FEM1C: variants seen among roughly 807,000 people sequenced by gnomAD.
FEM1C encodes the protein fem-1 homolog C.
A neutral mutation model predicts 37.6 loss-of-function variants in FEM1C; 15 were observed. That is an observed-to-expected ratio of 0.40 (90% CI 0.27 to 0.61). The LOEUF is 0.61. Among genes scored for constraint, FEM1C ranks in the 20% least tolerant of loss-of-function variants. FEM1C has a pLI of 0.42. For missense variants in FEM1C, 532 were observed against 749.7 expected (o/e 0.71, Z 3.39); for synonymous variants, 287 against 272.8 (o/e 1.05, Z -0.51).
At chr5:115,529,080 A>G (rs1753965279) in intron 2 of FEM1C, among the ~76,000 whole-genome samples, 1 of 152,142 alleles carries the variant, frequency 6.6e-6, no homozygotes, top group Non-Finnish European at 1.5e-5. Context: ...TATTGTTAAC[A>G]TACTCAAAAC....
In FEM1C at chr5:115,525,018, T is replaced by C. The variant is rs1180826415; in HGVS notation, c.1144A>G (p.Ser382Gly). The change falls in exon 3 of 3, where the codon AGC (serine) becomes GGC (glycine). Residue 382 changes from serine (S) to glycine (G), a missense_variant. Transcript: ENST00000274457. The stretch of plus-strand genomic sequence containing the variant: ...AATAGTTCTGCAAAAGATAATAAGC[T>C]GCTGGCGGTCATTGGGCTTAAAGGA... ...LDPLSPMTAS[S>G]LLSFAELFSF... The C allele has an allele frequency of 6.2e-7, 1 of 1,613,684 alleles. No individual in the cohort carries two copies. The highest frequency in any genetic ancestry group is 1.3e-5 in the African/African-American group (1 of 75,004).
chr5:115,524,412 T>A lies in FEM1C; in HGVS notation c.1750A>T (p.Thr584Ser). 2 of 1,613,602 alleles carry A rather than the reference T, an allele frequency of 1.2e-6. No individual in the cohort carries two copies. Among genetic ancestry groups the A allele is most frequent in the Non-Finnish European group, 1.7e-6 (2 of 1,179,716 alleles). Residue 584 changes from threonine to serine, a missense_variant, in exon 3 of 3, where the codon ACC becomes TCC. By Grantham distance (58) the Thr-to-Ser change is moderately conservative. This residue lies in a region of FEM1C where 237 missense variants were observed against 260.5 expected (regional missense o/e 0.91). Coordinates refer to ENST00000274457, the MANE Select transcript of FEM1C (RefSeq NM_020177.3). ...AKNLIQPINH[T>S]TLQCLAARVI... The stretch of plus-strand genomic sequence containing the variant: ...CGAGCAGCAAGACACTGCAATGTGG[T>A]ATGATTTATAGGCTGGATTAAATTT...
intron 2 of FEM1C, among the ~76,000 whole-genome samples, chr5:115,537,768 G>A (rs1171071364): frequency 6.6e-6 from 1 of 152,012 alleles, no homozygotes; most frequent in Non-Finnish European, 1.5e-5. Context: ...AAGTAGGTGT[G>A]CTGAGGTAAC....
rs1233963612 is a variant in FEM1C, at chr5:115,525,463, C to T, written c.699G>A (p.Leu233=). 2 of 1,613,500 alleles carry T rather than the reference C, an allele frequency of 1.2e-6. No individual in the cohort carries two copies. The highest frequency in any genetic ancestry group is 2.2e-5 in the South Asian group (2 of 91,076). The part of the protein sequence containing the change: ...VTGHTNIVDF[L]THHAQTSKTE... ...TCTTGCTGGTCTGTGCATGGTGTGT[C>T]AGAAAATCCACAATATTTGTGTGAC... Residue 233 remains leucine, a synonymous_variant, in exon 3 of 3, where the codon CTG becomes CTA. Transcript: ENST00000274457.
Position 115,522,641 on chromosome 5 carries a change from G to A in FEM1C, c.*1667C>T. The A allele has an allele frequency of 6.6e-6, 1 of 152,072 alleles. No homozygotes were observed. The highest frequency in any genetic ancestry group is 1.9e-4 in the East Asian group (1 of 5,188). 9.4% of individuals were successfully genotyped at this position (152,072 alleles called of 1,614,324 possible). A position where few individuals can be genotyped will look rare whatever the true frequency, so the allele number is the denominator to read the frequency against. On this transcript the variant is annotated 3_prime_UTR_variant, in exon 3 of 3. Coordinates refer to ENST00000274457, the MANE Select transcript of FEM1C (RefSeq NM_020177.3). ...CATACCTAATGTGACTGTTTGCATTGATGACTCCTTAAATAGTGTAACATC... is the reference window on the plus strand; with the variant it reads ...CATACCTAATGTGACTGTTTGCATTAATGACTCCTTAAATAGTGTAACATC...
intron 2 of FEM1C, among the ~76,000 whole-genome samples, chr5:115,531,562 T>C (rs1754015159): frequency 6.6e-6 from 1 of 152,092 alleles, no homozygotes; most frequent in Non-Finnish European, 1.5e-5. Flanking sequence ...GGCAAACTTT[T>C]CCGGTAAAAG....
chr5:115,524,525 A>C lies in FEM1C; in HGVS notation c.1637T>G (p.Leu546Arg), dbSNP rs1325290231. The change falls in exon 3 of 3, where the codon CTC becomes CGC. Residue 546 changes from leucine (L) to arginine (R), a missense_variant. Physicochemically the swap from Leu to Arg is moderately radical, Grantham distance 102. Around this residue, in one of 3 missense-constraint regions of FEM1C, gnomAD observed 237 missense variants for 260.5 expected, o/e 0.91. Coordinates refer to ENST00000274457, the MANE Select transcript of FEM1C (RefSeq NM_020177.3). ...AAAATGTGCACCTGATTTAATAAGG[A>C]GATTCATGATGTCTGGATGGTTGTT... The part of the protein sequence containing the change: ...ALNNHPDIMN[L>R]LIKSGAHFDA... 6.2e-7 allele frequency: 1 copy of C among 1,613,188 alleles called. No homozygotes were observed. The highest frequency in any genetic ancestry group is 2.2e-5 in the East Asian group (1 of 44,882).
intron 2 of FEM1C, among the ~76,000 whole-genome samples, chr5:115,526,737 A>G (rs1753902868): frequency 6.6e-6 from 1 of 152,152 alleles, no homozygotes; most frequent in South Asian, 2.1e-4. Context: ...TATCCTTAGA[A>G]AGACCTTCTT....
Position 115,543,382 on chromosome 5 carries a change from T to C in FEM1C, c.112A>G (p.Lys38Glu). The change falls in exon 2 of 3, where the codon AAA becomes GAA. Residue 38 changes from lysine (K) to glutamate (E), a missense_variant. Physicochemically the swap from Lys to Glu is moderately conservative, Grantham distance 56 (BLOSUM62 1). Around this residue, in one of 3 missense-constraint regions of FEM1C, gnomAD observed 74 missense variants for 85.0 expected, o/e 0.87. Transcript: ENST00000274457. ...AAGAGTGGCGTGGCCCCATTTGTTT[T>C]TTCAGAGATCAAGGAGGAAACCTCC... ...KEEVSSLISE[K>E]TNGATPLLMA... 1 of 1,614,218 alleles carries C rather than the reference T, an allele frequency of 6.2e-7. No homozygotes were observed. Among genetic ancestry groups the C allele is most frequent in the South Asian group, 1.1e-5 (1 of 91,086 alleles).
At chr5:115,544,014 G>A (rs1233888620) in intron 1 of FEM1C, 18 of 985,310 alleles carry the variant, frequency 1.8e-5, no homozygotes, top group African/African-American at 3.5e-5. Context: ...ACAACCGAAA[G>A]AGGCAGGAGA....
At chr5:115,539,984 G>C (rs1443600163) in intron 2 of FEM1C, among the ~76,000 whole-genome samples, 1 of 152,108 alleles carries the variant, frequency 6.6e-6, no homozygotes, top group Non-Finnish European at 1.5e-5. Flanking sequence ...AGCAGACCAA[G>C]CACAATGTAC....
Position 115,524,887 on chromosome 5 carries a change from A to G in FEM1C, c.1275T>C (p.Ala425=). 5.0e-6 allele frequency: 8 copies of G among 1,613,758 alleles called. No individual in the cohort carries two copies. Among genetic ancestry groups the G allele is most frequent in the Middle Eastern group, 1.7e-4 (1 of 6,054 alleles). ...LCKSVLEIER[A]IKQTQCPADP... ...CAGCTGGACACTGAGTTTGTTTGAT[A>G]GCTCGCTCTATTTCAAGGACGCTTT... Residue 425 remains alanine, a synonymous_variant, in exon 3 of 3, where the codon GCT becomes GCC. Transcript: ENST00000274457.
intron 2 of FEM1C, among the ~76,000 whole-genome samples, chr5:115,535,347 G>T (rs551328180): frequency 2.1e-5 from 3 of 140,892 alleles, no homozygotes; most frequent in Non-Finnish European, 3.1e-5. Flanking sequence ...TCTGATAAAA[G>T]ACATACATAA....
At chr5:115,536,549 T>C (rs1056510066) in intron 2 of FEM1C, among the ~76,000 whole-genome samples, 3 of 151,706 alleles carry the variant, frequency 2.0e-5, no homozygotes, top group Non-Finnish European at 4.4e-5. Context: ...TGTAGGTTGA[T>C]GGAGGAGGTA....
chr5:115,526,318 A>T (rs1753891218), intron 2 of FEM1C, among the ~76,000 whole-genome samples: 1 of 152,208 alleles, frequency 6.6e-6, no homozygotes, highest in Admixed American at 6.5e-5. Flanking sequence ...CTCTCGTAAG[A>T]AAAACAAATC....
chr5:115,525,754 G>T (rs977369144), intron 2 of FEM1C, 137 bp from the exon 3 acceptor site: 2 of 635,890 alleles, frequency 3.1e-6, no homozygotes, highest in African/African-American at 1.9e-5. Context: ...GTTTACAAAC[G>T]AGAAAAAAAA....
Position 115,543,564 on chromosome 5 carries a change from A to T in FEM1C, c.-71T>A. 6.6e-7 allele frequency: 1 copy of T among 1,516,724 alleles called. No homozygotes were observed. The allele number at this position is 1,516,724 out of a possible 1,614,324, so 94.0% of individuals were successfully genotyped here. ...AGCTCCAGTTTAACTCTATCGACAC[A>T]GGCAAGAGTCACAGGAACCAAAGTC... On this transcript the variant is annotated 5_prime_UTR_variant, in exon 2 of 3. Transcript: ENST00000274457.
chr5:115,538,809 A>G (rs1284510421), intron 2 of FEM1C, among the ~76,000 whole-genome samples: 1 of 151,852 alleles, frequency 6.6e-6, no homozygotes, highest in Non-Finnish European at 1.5e-5. Context: ...GCCTTTCCTT[A>G]TGCCATTTCC....
In FEM1C at chr5:115,524,456, T is replaced by C; in HGVS notation, c.1706A>G (p.Asp569Gly). ...TAAATTTTTAGCTATTTCCTTCTCA[T>C]CCAGCAAGTCACTAGCAGTTTGTTT... Reference protein sequence around the residue: ...LHKQTASDLLDEKEIAKNLIQ... With the variant: ...LHKQTASDLLGEKEIAKNLIQ... The change falls in exon 3 of 3, where the codon GAT becomes GGT. Residue 569 changes from aspartate to glycine, a missense_variant. Physicochemically the swap from Asp to Gly is moderately conservative, Grantham distance 94 (BLOSUM62 -1). Transcript: ENST00000274457. The C allele has an allele frequency of 6.2e-7, 1 of 1,613,220 alleles. No individual in the cohort carries two copies. Among genetic ancestry groups the C allele is most frequent in the East Asian group, 2.2e-5 (1 of 44,870 alleles).
Sources: allele counts gnomAD v4.1 joint callset (sites outside exome capture counted in the v4.1 genomes callset), GRCh38; gene constraint gnomAD v4.1.1; regional missense constraint gnomAD v4.1.1; transcripts MANE v1.5; gene names NCBI Gene and HGNC (gene_info 2026-07-23, HGNC 2026-07-21).